ME3: variants seen among roughly 807,000 people sequenced by gnomAD.
ME3 encodes malic enzyme 3.
ME3 carries 48 observed loss-of-function variants against 68.9 expected under a neutral mutation model. The observed-to-expected ratio is 0.70, with a 90% CI of 0.55 to 0.89. ME3 has a LOEUF of 0.89. Ranked by LOEUF, ME3 falls within the 40% of genes least tolerant of loss-of-function variation. ME3 has a pLI of 0.00. For synonymous variants in ME3, 320 were observed against 318.8 expected, an observed-to-expected ratio of 1.00 and a Z score of -0.04; for missense variants, 675 against 797.4, an observed-to-expected ratio of 0.85 and a Z score of 1.85.
intron 4 of ME3, among the ~76,000 whole-genome samples, chr11:86,533,370 A>T (rs77661830): frequency 6.6e-6 from 1 of 152,176 alleles, no homozygotes; most frequent in Non-Finnish European, 1.5e-5. Context: ...GAACAATTAT[A>T]TATCAAAGAA....
At chr11:86,651,317 T>C (rs892632600) in intron 2 of ME3, among the ~76,000 whole-genome samples, 3 of 152,210 alleles carry the variant, frequency 2.0e-5, no homozygotes, top group Non-Finnish European at 4.4e-5. Flanking sequence ...CCCTGACCCC[T>C]GAGTAGCCTA....
At chr11:86,565,930 G>C (rs772071931) in intron 2 of ME3, among the ~76,000 whole-genome samples, 17 of 152,230 alleles carry the variant, frequency 1.1e-4, no homozygotes, top group African/African-American at 4.1e-4. Context: ...GTTCTCATAA[G>C]AGACACTGTG....
rs1412852233 is a variant in ME3 at position 86,671,872 on chromosome 11, A to G, written c.73T>C (p.Trp25Arg). Reference sequence around the variant, plus strand: ...CCTTGGGCGGGCGCGGTGGGTGTCCAGCGCGGGAGGGCGCCGCAGGCCCGG... The same window carrying G: ...CCTTGGGCGGGCGCGGTGGGTGTCCGGCGCGGGAGGGCGCCGCAGGCCCGG... Residue 25 changes from tryptophan (W) to arginine (R), a missense_variant, in exon 2 of 15, where the codon TGG becomes CGG. Coordinates refer to ENST00000543262, the Ensembl canonical transcript of ME3. 5.1e-6 allele frequency: 8 copies of G among 1,565,266 alleles called. No individual in the cohort carries two copies. The African/African-American group carries it at 9.9e-5, about 19-fold the overall frequency.
At chr11:86,606,661 C>T (rs551187527) in intron 2 of ME3, among the ~76,000 whole-genome samples, 2 of 152,336 alleles carry the variant, frequency 1.3e-5, no homozygotes, top group South Asian at 4.1e-4. Flanking sequence ...GAAAATCCTT[C>T]ATTGCATACT....
chr11:86,555,568 A>G (rs577141438), intron 4 of ME3, among the ~76,000 whole-genome samples: 1 of 152,356 alleles, frequency 6.6e-6, no homozygotes, highest in Admixed American at 6.5e-5. Context: ...ACACACCACC[A>G]TCAGGATGAG....
intron 2 of ME3, among the ~76,000 whole-genome samples, chr11:86,633,050 C>T (rs1028366486): frequency 2.6e-5 from 4 of 152,200 alleles, no homozygotes; most frequent in Admixed American, 1.3e-4. Context: ...CAGAAAACTG[C>T]TGTGAGTCCG....
At chr11:86,526,123 A>G (rs1193340919) in intron 4 of ME3, among the ~76,000 whole-genome samples, 1 of 152,168 alleles carries the variant, frequency 6.6e-6, no homozygotes, top group African/African-American at 2.4e-5. Context: ...TCCTAGTCAA[A>G]GAAAGGGGTG....
At chr11:86,663,718 C>G (rs139924444) in intron 2 of ME3, among the ~76,000 whole-genome samples, 15 of 152,200 alleles carry the variant, frequency 9.9e-5, no homozygotes, top group Middle Eastern at 6.8e-3. Flanking sequence ...AAAAAGAAAC[C>G]TTTGGTAGAA....
intron 7 of ME3, among the ~76,000 whole-genome samples, chr11:86,466,544 G>A (rs888492698): frequency 1.3e-5 from 2 of 152,134 alleles, no homozygotes; most frequent in Non-Finnish European, 2.9e-5. Context: ...GCACATGCTT[G>A]GGGGGCTTCC....
intron 2 of ME3, among the ~76,000 whole-genome samples, chr11:86,585,540 C>A (rs1218478457): frequency 1.3e-5 from 2 of 152,126 alleles, no homozygotes. Flanking sequence ...ATGATGAAGA[C>A]CAGGACTGGT....
chr11:86,591,568 G>C (rs991468337), intron 2 of ME3, among the ~76,000 whole-genome samples: 3 of 152,158 alleles, frequency 2.0e-5, no homozygotes, highest in African/African-American at 7.2e-5. Context: ...TCAGTATCTT[G>C]ATCTTGGAGA....
chr11:86,642,925 A>C (rs1378063446), intron 2 of ME3, among the ~76,000 whole-genome samples: 1 of 152,200 alleles, frequency 6.6e-6, no homozygotes, highest in Non-Finnish European at 1.5e-5. Flanking sequence ...TTCTAGGCAA[A>C]GACAGAGGAA....
chr11:86,604,056 G>T (rs1243529000), intron 2 of ME3, among the ~76,000 whole-genome samples: 1 of 150,836 alleles, frequency 6.6e-6, no homozygotes, highest in Non-Finnish European at 1.5e-5. Flanking sequence ...GTAAGTAACT[G>T]GCACATTGTG....
intron 2 of ME3, among the ~76,000 whole-genome samples, chr11:86,669,260 C>T (rs1946766989): frequency 6.6e-6 from 1 of 152,234 alleles, no homozygotes; most frequent in African/African-American, 2.4e-5. Flanking sequence ...AGATACCCTT[C>T]TTATCCCAGA....
intron 6 of ME3, among the ~76,000 whole-genome samples, chr11:86,492,217 GCTC>G (rs1952049731): frequency 6.6e-6 from 1 of 152,222 alleles, no homozygotes; most frequent in Non-Finnish European, 1.5e-5. Flanking sequence ...AGCTCTTTGA[GCTC>G]CTCATTCATC....
exon 5 of ME3, chr11:86,508,852 G>A: frequency 1.9e-6 from 3 of 1,613,240 alleles, no homozygotes; most frequent in Non-Finnish European, 2.5e-6. Flanking sequence ...TGTCATGAAT[G>A]GTGATGAACA....
At chr11:86,574,410 GGT>G (rs879642393) in intron 2 of ME3, among the ~76,000 whole-genome samples, 37,919 of 116,298 alleles carry the variant, frequency 0.33, 6,865 homozygotes, top group Admixed American at 0.41. Flanking sequence ...GGGGGGGGGG[GGT>G]GTCTTTTTTG....
chr11:86,555,603 C>T (rs139029831), intron 4 of ME3, among the ~76,000 whole-genome samples: 28 of 152,248 alleles, frequency 1.8e-4, no homozygotes, highest in East Asian at 5.8e-4. Context: ...CCTTTGCCAA[C>T]GGTAACAGTG....
At chr11:86,622,770 A>G (rs1417822879) in intron 2 of ME3, 1 of 151,872 alleles carries the variant, frequency 6.6e-6, no homozygotes, top group Non-Finnish European at 1.5e-5. Context: ...CTGATGAAAG[A>G]GTTCCTTTTA....
Sources: allele counts gnomAD v4.1 joint callset (sites outside exome capture counted in the v4.1 genomes callset), GRCh38; gene constraint gnomAD v4.1.1; transcripts MANE v1.5; gene names NCBI Gene and HGNC (gene_info 2026-07-23, HGNC 2026-07-21).